RGS5: variants seen among roughly 807,000 people sequenced by gnomAD.
The protein encoded by RGS5 is regulator of G-protein signalling 5.
RGS5 carries 20 observed loss-of-function variants against 18.9 expected under a neutral mutation model. That is an observed-to-expected ratio of 1.06 (90% CI 0.74 to 1.54). RGS5 has a LOEUF of 1.54. Ranked by LOEUF, RGS5 falls within the 40% of genes most tolerant of loss-of-function variation. RGS5 has a pLI of 0.00. For missense variants in RGS5, 201 were observed against 211.8 expected, an observed-to-expected ratio of 0.95 and a Z score of 0.32; for synonymous variants, 57 against 76.2, an observed-to-expected ratio of 0.75 and a Z score of 1.31.
At chr1:163,292,118 G>T (rs905392454) in intron 2 of RGS5, among the ~76,000 whole-genome samples, 14 of 152,048 alleles carry the variant, frequency 9.2e-5, no homozygotes, top group African/African-American at 2.9e-4. Context: ...CCATCACCCA[G>T]GTATTAAGCC....
intron 2 of RGS5, among the ~76,000 whole-genome samples, chr1:163,224,174 T>C (rs1440482943): frequency 6.6e-6 from 1 of 152,098 alleles, no homozygotes; most frequent in Non-Finnish European, 1.5e-5. Flanking sequence ...CCTATCTAAC[T>C]GTTAACCATC....
chr1:163,250,099 CA>C (rs1347663299), intron 2 of RGS5, among the ~76,000 whole-genome samples: 2 of 152,074 alleles, frequency 1.3e-5, no homozygotes, highest in Non-Finnish European at 2.9e-5. Flanking sequence ...ACTCAGGACA[CA>C]AGGCCCCGAA....
rs371824249 is a variant in RGS5 at position 163,249,810 on chromosome 1, A to G, written c.-281+56423T>C. ...CATCTCAAAATAAATCAATAAAATA[A>G]AATAAAGTAAAATAAAATAAGATAA... On this transcript the variant is annotated intron_variant, in intron 2 of 5. Transcript: ENST00000618415. 4.3e-4 allele frequency among the ~76,000 whole-genome samples: 66 copies of G among 152,336 alleles called. 2 individuals are homozygous for G. The South Asian group carries it at 0.013, about 31-fold the overall frequency.
chr1:163,220,028 G>C (rs1350829836), upstream of RGS5, among the ~76,000 whole-genome samples: 1 of 152,090 alleles, frequency 6.6e-6, no homozygotes, highest in African/African-American at 2.4e-5. Flanking sequence ...ATTCCCATCA[G>C]CAATCTATAA....
intron 2 of RGS5, among the ~76,000 whole-genome samples, chr1:163,263,407 A>C (rs995857923): frequency 2.5e-4 from 38 of 152,114 alleles, no homozygotes; most frequent in African/African-American, 8.0e-4. Flanking sequence ...CCATTGTTGG[A>C]ATGTTTTCTC....
At chr1:163,197,494 AT>A (rs1659610723) in intron 1 of RGS5, among the ~76,000 whole-genome samples, 1 of 152,034 alleles carries the variant, frequency 6.6e-6, no homozygotes, top group Non-Finnish European at 1.5e-5. Context: ...CTGAGCATTA[AT>A]TTTTTCTTAT....
chr1:163,298,600 A>T (rs1294226617), intron 2 of RGS5, among the ~76,000 whole-genome samples: 2 of 152,144 alleles, frequency 1.3e-5, no homozygotes, highest in Non-Finnish European at 2.9e-5. Flanking sequence ...AGGTAATAAA[A>T]GTTGTCTCCA....
At chr1:163,261,443 C>CCT (rs1276787168) in intron 2 of RGS5, among the ~76,000 whole-genome samples, 1 of 152,188 alleles carries the variant, frequency 6.6e-6, no homozygotes, top group Non-Finnish European at 1.5e-5. Flanking sequence ...CTAGGTCCAT[C>CCT]CTCTGCTCTT....
At chr1:163,250,256 T>G (rs1320436417) in intron 2 of RGS5, among the ~76,000 whole-genome samples, 1 of 152,178 alleles carries the variant, frequency 6.6e-6, no homozygotes, top group Non-Finnish European at 1.5e-5. Context: ...GATTTAATCT[T>G]TTGGAAGCAA....
chr1:163,182,942 A>T (rs1658917608), intron 1 of RGS5, among the ~76,000 whole-genome samples: 1 of 74,736 alleles, frequency 1.3e-5, no homozygotes, highest in African/African-American at 3.7e-5. Context: ...GGGTAGTAAA[A>T]GGTATTGGAG....
intron 2 of RGS5, chr1:163,238,593 G>A (rs4657254): frequency 0.42 from 79,392 of 189,384 alleles, 17,021 homozygotes; most frequent in Non-Finnish European, 0.45. Flanking sequence ...TGGTCCTAAA[G>A]CTTTGTAAAA....
intron 2 of RGS5, among the ~76,000 whole-genome samples, chr1:163,251,478 C>T (rs1468570061): frequency 3.3e-5 from 5 of 152,112 alleles, no homozygotes; most frequent in Admixed American, 3.3e-4. Context: ...TATGCTGATC[C>T]CTCCTTTTCT....
intron 1 of RGS5, among the ~76,000 whole-genome samples, chr1:163,185,104 T>A (rs773817554): frequency 6.6e-6 from 1 of 152,152 alleles, no homozygotes; most frequent in African/African-American, 2.4e-5. Context: ...CAGCCTTATC[T>A]AATCTTCCTC....
chr1:163,312,581 A>G (rs1001952443), intron 1 of RGS5, among the ~76,000 whole-genome samples: 1 of 152,210 alleles, frequency 6.6e-6, no homozygotes, highest in Non-Finnish European at 1.5e-5. Flanking sequence ...AGTGATATGA[A>G]CCAGGATTGT....
chr1:163,180,733 T>C lies in RGS5; in HGVS notation c.45-12365A>G, dbSNP rs920545437. ...TTTTTGAGACGGAGTCTCGCTCTGT[T>C]GCCCAGGCTGGAGTGCAGTGGTGTA... On this transcript the variant is annotated intron_variant, in intron 1 of 4. Coordinates refer to ENST00000313961, the MANE Select transcript of RGS5 (RefSeq NM_003617.4). Among the ~76,000 whole-genome samples the C allele has an allele frequency of 1.8e-4, 25 of 139,606 alleles. No individual in the cohort carries two copies. In the East Asian group the frequency reaches 3.4e-3, roughly 19 times the overall value. The allele number at this position is 139,606 out of a possible 152,430, so 91.6% of individuals were successfully genotyped here. A position where few individuals can be genotyped will look rare whatever the true frequency, so the allele number is the denominator to read the frequency against.
intron 1 of RGS5, among the ~76,000 whole-genome samples, chr1:163,195,323 A>T (rs1445629907): frequency 6.6e-6 from 1 of 152,148 alleles, no homozygotes; most frequent in African/African-American, 2.4e-5. Context: ...GTAACTCAGG[A>T]ATGGAAAACC....
intron 2 of RGS5, among the ~76,000 whole-genome samples, chr1:163,243,781 AAG>A (rs1474282668): frequency 2.0e-5 from 3 of 151,420 alleles, no homozygotes; most frequent in African/African-American, 7.3e-5. Context: ...AAAAAAAAAA[AAG>A]AAGGAGGAGG....
chr1:163,182,449 C>G (rs893017501), intron 1 of RGS5, among the ~76,000 whole-genome samples: 2 of 152,126 alleles, frequency 1.3e-5, no homozygotes, highest in Non-Finnish European at 2.9e-5. Context: ...ACTGGCCACT[C>G]CCTACTCAAG....
At chr1:163,268,069 C>G (rs1029244447) in intron 2 of RGS5, among the ~76,000 whole-genome samples, 4 of 151,902 alleles carry the variant, frequency 2.6e-5, no homozygotes, top group Non-Finnish European at 4.4e-5. Context: ...GTTTCTGTGG[C>G]TTTACTAGAT....
Sources: allele counts gnomAD v4.1 joint callset (sites outside exome capture counted in the v4.1 genomes callset), GRCh38; gene constraint gnomAD v4.1.1; transcripts MANE v1.5; gene names NCBI Gene and HGNC (gene_info 2026-07-23, HGNC 2026-07-21).